The following IL12RB2 variants were observed in gnomAD, a reference collection of about 807,000 sequenced individuals.
The protein encoded by IL12RB2 is interleukin 12 receptor subunit beta 2.
In IL12RB2, 82 loss-of-function variants were observed where a neutral mutation model predicts 89.4. That is an observed-to-expected ratio of 0.92 (90% CI 0.77 to 1.10). IL12RB2 has a LOEUF of 1.10. Among genes scored for constraint, IL12RB2 ranks in the 50% least tolerant of loss-of-function variants. IL12RB2 has a pLI of 0.00. For missense variants in IL12RB2, 963 were observed against 1,031.9 expected, an observed-to-expected ratio of 0.93 and a Z score of 0.92; for synonymous variants, 368 against 370.1, an observed-to-expected ratio of 0.99 and a Z score of 0.07.
chr1:67,352,829 G>A (rs1461464789), intron 10 of IL12RB2, among the ~76,000 whole-genome samples: 3 of 152,198 alleles, frequency 2.0e-5, no homozygotes, highest in Non-Finnish European at 4.4e-5. Context: ...AAATCAGACT[G>A]AGAAAGAGTA....
In IL12RB2 at chr1:67,321,788, A is replaced by T. The variant is rs1244461920; in HGVS notation, c.263A>T (p.Gln88Leu). 2 of 1,608,996 alleles carry T rather than the reference A, an allele frequency of 1.2e-6. No individual in the cohort carries two copies. Among genetic ancestry groups the T allele is most frequent in the East Asian group, 4.5e-5 (2 of 44,838 alleles). ...NFHHGHSLNS[Q>L]VTGLPLGTTL... is the part of the protein sequence containing the mutation. ...CACCATGGCCACTCCCTCAATTCTC[A>T]AGTCACAGGTCTTCCCCTTGGTACA... is the stretch of plus-strand genomic sequence containing the variant. The change falls in exon 4 of 17, where the codon CAA becomes CTA. Residue 88 changes from glutamine (Q) to leucine (L), a missense_variant. Gln to Leu is a moderately radical substitution (Grantham distance 113). Coordinates refer to ENST00000674203, the MANE Select transcript of IL12RB2 (RefSeq NM_001374259.2).
At chr1:67,333,574 A>G (rs868485899) in intron 8 of IL12RB2, among the ~76,000 whole-genome samples, 45 of 152,104 alleles carry the variant, frequency 3.0e-4, no homozygotes, top group African/African-American at 1.1e-3. Context: ...GCCCTTTACT[A>G]TGTCATTAAA....
intron 10 of IL12RB2, among the ~76,000 whole-genome samples, chr1:67,351,465 G>T (rs183874093): frequency 6.6e-6 from 1 of 152,080 alleles, no homozygotes; most frequent in East Asian, 1.9e-4. Flanking sequence ...TACGTGTTAT[G>T]TTTCAGAAAA....
intron 1 of IL12RB2, among the ~76,000 whole-genome samples, chr1:67,312,170 G>A (rs765740988): frequency 6.6e-6 from 1 of 152,200 alleles, no homozygotes; most frequent in Non-Finnish European, 1.5e-5. Flanking sequence ...CAGAAATGGA[G>A]GAACCAAGGA....
At chr1:67,316,911 T>TTGCC (rs1655848129) in intron 2 of IL12RB2, among the ~76,000 whole-genome samples, 1 of 152,210 alleles carries the variant, frequency 6.6e-6, no homozygotes, top group African/African-American at 2.4e-5. Flanking sequence ...TTTTTGTTTT[T>TTGCC]TGCCTGTCTA....
intron 15 of IL12RB2, among the ~76,000 whole-genome samples, chr1:67,388,287 G>A (rs1346046104): frequency 6.6e-6 from 1 of 152,134 alleles, no homozygotes; most frequent in Non-Finnish European, 1.5e-5. Context: ...TAAGAAGGAG[G>A]GGAAAATGAA....
At chr1:67,356,407 C>A (rs1031282630) in intron 10 of IL12RB2, among the ~76,000 whole-genome samples, 1 of 152,182 alleles carries the variant, frequency 6.6e-6, no homozygotes, top group Admixed American at 6.5e-5. Flanking sequence ...GTCAAGGCAG[C>A]CCTGGAACCT....
intron 10 of IL12RB2, among the ~76,000 whole-genome samples, chr1:67,357,969 T>C (rs761924042): frequency 1.1e-4 from 16 of 152,048 alleles, no homozygotes; most frequent in Non-Finnish European, 2.4e-4. Flanking sequence ...ATTTGAAGAC[T>C]AGTGATCAAG....
chr1:67,353,608 G>A (rs1264726129), intron 10 of IL12RB2, among the ~76,000 whole-genome samples: 1 of 152,058 alleles, frequency 6.6e-6, no homozygotes. Flanking sequence ...ACATGAGCAC[G>A]TATTTTTTGA....
intron 10 of IL12RB2, among the ~76,000 whole-genome samples, chr1:67,359,148 A>G (rs1390969375): frequency 6.6e-6 from 1 of 152,130 alleles, no homozygotes; most frequent in Non-Finnish European, 1.5e-5. Context: ...CTGAAAAAAT[A>G]AAATAAAATA....
intron 10 of IL12RB2, among the ~76,000 whole-genome samples, chr1:67,366,094 C>G (rs945882220): frequency 2.6e-5 from 4 of 151,946 alleles, no homozygotes; most frequent in Non-Finnish European, 5.9e-5. Flanking sequence ...CATGAATTGG[C>G]AGTTCATGGA....
At chr1:67,321,165 C>A (rs1182368513) in intron 3 of IL12RB2, among the ~76,000 whole-genome samples, 1 of 151,662 alleles carries the variant, frequency 6.6e-6, no homozygotes, top group African/African-American at 2.4e-5. Context: ...TTAAAACTGT[C>A]TTTTTTTTCT....
intron 13 of IL12RB2, among the ~76,000 whole-genome samples, chr1:67,374,777 CTT>C (rs35122967): frequency 0.49 from 26,516 of 53,648 alleles, 6,027 homozygotes; most frequent in South Asian, 0.58. Context: ...AGCCCAGCCT[CTT>C]TTTTTTTTTT....
At chr1:67,354,795 A>C (rs898852997) in intron 10 of IL12RB2, among the ~76,000 whole-genome samples, 1 of 152,216 alleles carries the variant, frequency 6.6e-6, no homozygotes, top group Non-Finnish European at 1.5e-5. Flanking sequence ...TACTATTTAC[A>C]TATGTATCTT....
chr1:67,393,224 A>C (rs1666014054), intron 16 of IL12RB2, among the ~76,000 whole-genome samples: 1 of 152,170 alleles, frequency 6.6e-6, no homozygotes, highest in South Asian at 2.1e-4. Flanking sequence ...ATGTGGCTAC[A>C]CCACCATGTG....
At chr1:67,348,621 T>A (rs1435189800) in intron 9 of IL12RB2, among the ~76,000 whole-genome samples, 1 of 151,698 alleles carries the variant, frequency 6.6e-6, no homozygotes, top group East Asian at 1.9e-4. Context: ...AATCCAGGAG[T>A]AATGGACTAC....
At chr1:67,311,372 T>G (rs988883088) in intron 1 of IL12RB2, among the ~76,000 whole-genome samples, 1 of 152,186 alleles carries the variant, frequency 6.6e-6, no homozygotes, top group Non-Finnish European at 1.5e-5. Flanking sequence ...AGCATCAAGC[T>G]TGGATTTTTA....
intron 14 of IL12RB2, among the ~76,000 whole-genome samples, chr1:67,383,027 G>C (rs905288964): frequency 7.2e-5 from 11 of 152,146 alleles, no homozygotes; most frequent in African/African-American, 2.7e-4. Flanking sequence ...TTCTCACGCT[G>C]CTATAAGGAC....
At chr1:67,360,276 G>A (rs1661877863) in intron 10 of IL12RB2, among the ~76,000 whole-genome samples, 1 of 151,866 alleles carries the variant, frequency 6.6e-6, no homozygotes, top group Admixed American at 6.6e-5. Flanking sequence ...GTGCGTGCCT[G>A]TGATCCCAGC....
Sources: gnomAD v4.1 joint callset for allele counts (sites outside exome capture counted in the v4.1 genomes callset) on GRCh38, gnomAD v4.1.1 for gene constraint, MANE v1.5 for transcripts, NCBI Gene and HGNC (gene_info 2026-07-23, HGNC 2026-07-21) for gene names.